CORO2B: variants seen among roughly 807,000 people sequenced by gnomAD.
The protein encoded by CORO2B is coronin-2B.
A neutral mutation model predicts 58.8 loss-of-function variants in CORO2B; 26 were observed. That is an observed-to-expected ratio of 0.44 (90% CI 0.32 to 0.61). The LOEUF (loss-of-function observed/expected upper bound fraction) is 0.61, where lower values mean the gene tolerates loss of function less well. Among genes scored for constraint, CORO2B ranks in the 20% least tolerant of loss-of-function variants. The pLI, the probability that CORO2B is intolerant of heterozygous loss-of-function variation, is 0.04. For missense variants in CORO2B, 460 were observed against 645.1 expected (o/e 0.71, Z 3.11); for synonymous variants, 242 against 253.8 (o/e 0.95, Z 0.44).
At chr15:68,709,971 G>A (rs1270636466) in intron 3 of CORO2B, among the ~76,000 whole-genome samples, 1 of 152,192 alleles carries the variant, frequency 6.6e-6, no homozygotes, top group African/African-American at 2.4e-5. Flanking sequence ...CAGGGCTGAT[G>A]TAAATAATTA....
In CORO2B at chr15:68,695,696, G is replaced by A. The variant is rs144549452; in HGVS notation, c.333+440G>A. Among the ~76,000 whole-genome samples the A allele has an allele frequency of 9.9e-5, 15 of 152,224 alleles. No individual in the cohort carries two copies. In the East Asian group the frequency reaches 2.3e-3, roughly 24 times the overall value. Reference sequence around the variant, plus strand: ...CCATCTGGTTTGTCCTCTCTGAGTCGTGGTTTCTAGGAAAGGAGACTTAGC... The same window carrying A: ...CCATCTGGTTTGTCCTCTCTGAGTCATGGTTTCTAGGAAAGGAGACTTAGC... On this transcript the variant is annotated intron_variant, in intron 3 of 11. Transcript: ENST00000261861.
chr15:68,544,921 C>T, the CORO2B span, among the ~76,000 whole-genome samples: 9 of 152,246 alleles, frequency 5.9e-5, no homozygotes, highest in African/African-American at 2.2e-4. Context: ...GGACTACAGG[C>T]GCCCACCATC....
intron 2 of CORO2B, among the ~76,000 whole-genome samples, chr15:68,672,159 G>GGTTGTGTGTGTGT (rs1555415404): frequency 1.4e-5 from 2 of 146,288 alleles, no homozygotes; most frequent in East Asian, 2.0e-4. Context: ...GTAATCGGGA[G>GGTTGTGTGTGTGT]GTGTGTGTGT....
the CORO2B span, among the ~76,000 whole-genome samples, chr15:68,549,226 C>T: frequency 1.1e-4 from 16 of 152,320 alleles, no homozygotes; most frequent in East Asian, 9.6e-4. Flanking sequence ...TCTGTTTTAA[C>T]GGCCATTTAC....
chr15:68,612,068 G>A (rs749790226), intron 1 of CORO2B, among the ~76,000 whole-genome samples: 2 of 152,178 alleles, frequency 1.3e-5, no homozygotes, highest in Non-Finnish European at 2.9e-5. Context: ...ACTGCACCCG[G>A]CCTCAACTTT....
At chr15:68,670,077 A>G (rs975266286) in intron 2 of CORO2B, among the ~76,000 whole-genome samples, 28 of 124,384 alleles carry the variant, frequency 2.3e-4, no homozygotes, top group African/African-American at 1.1e-3. Flanking sequence ...AAGGGGGGGA[A>G]AAATAAAGAA....
At chr15:68,677,361 C>T (rs775368340) in intron 2 of CORO2B, among the ~76,000 whole-genome samples, 1 of 152,224 alleles carries the variant, frequency 6.6e-6, no homozygotes, top group Non-Finnish European at 1.5e-5. Flanking sequence ...ACAGATGATA[C>T]AGATGAGGCC....
At chr15:68,599,555 G>A (rs1899923030) in intron 1 of CORO2B, among the ~76,000 whole-genome samples, 1 of 152,128 alleles carries the variant, frequency 6.6e-6, no homozygotes, top group Non-Finnish European at 1.5e-5. Flanking sequence ...TCCCCACAAG[G>A]GCCTGAGACG....
intron 3 of CORO2B, among the ~76,000 whole-genome samples, chr15:68,706,717 CT>C (rs1351018890): frequency 2.0e-5 from 3 of 149,794 alleles, no homozygotes; most frequent in Non-Finnish European, 3.0e-5. Context: ...ATTTTTTTTT[CT>C]TTTTTTTTAG....
the CORO2B span, among the ~76,000 whole-genome samples, chr15:68,571,999 G>A: frequency 7.5e-3 from 1,138 of 152,338 alleles, 13 homozygotes; most frequent in African/African-American, 0.025. Context: ...CCTGAGGGGG[G>A]CAGACACAGA....
chr15:68,650,265 A>G (rs980857243), intron 2 of CORO2B, among the ~76,000 whole-genome samples: 3 of 150,314 alleles, frequency 2.0e-5, no homozygotes, highest in Admixed American at 1.3e-4. Flanking sequence ...CTACTCAGGA[A>G]GCTGAGGCAG....
chr15:68,722,736 A>T (rs933193859), intron 11 of CORO2B, among the ~76,000 whole-genome samples: 4 of 152,246 alleles, frequency 2.6e-5, no homozygotes, highest in Admixed American at 6.5e-5. Context: ...GTTAACAAAA[A>T]ATATTTTTTT....
Position 68,725,827 on chromosome 15 carries a change from T to C in CORO2B, c.1312-16T>C. The C allele has an allele frequency of 6.2e-7, 1 of 1,613,176 alleles. No homozygotes were observed. The highest frequency in any genetic ancestry group is 8.5e-7 in the Non-Finnish European group (1 of 1,179,976). On this transcript the variant is annotated splice_polypyrimidine_tract_variant and intron_variant, in intron 11 of 11. Coordinates refer to ENST00000261861, the MANE Select transcript of CORO2B (RefSeq NM_006091.5). ...CTCCTGGGCCCTCCTTGGCCCCCTC[T>C]CTTCCTCCACCCCAGCTCCTTCGAA...
At chr15:68,573,919 A>G in the CORO2B span, among the ~76,000 whole-genome samples, 58 of 152,278 alleles carry the variant, frequency 3.8e-4, no homozygotes, top group African/African-American at 1.4e-3. Flanking sequence ...GGCTTTCTGG[A>G]GGAGGCGATA....
Position 68,726,250 on chromosome 15 carries a change from T to C in CORO2B, c.*276T>C, listed in dbSNP as rs1011039538. 73 of 400,444 alleles carry C rather than the reference T, an allele frequency of 1.8e-4. No homozygotes were observed. Among genetic ancestry groups the C allele is most frequent in the Middle Eastern group, 1.4e-3 (2 of 1,448 alleles). 24.8% of individuals were successfully genotyped at this position (400,444 alleles called of 1,614,324 possible). On this transcript the variant is annotated 3_prime_UTR_variant, in exon 12 of 12. Coordinates refer to ENST00000261861, the MANE Select transcript of CORO2B (RefSeq NM_006091.5). ...CCTCAGCTGGGTGAAGACTACAGAC[T>C]CCCTGGGGTTGGCAGGGGCTCCATC...
intron 1 of CORO2B, among the ~76,000 whole-genome samples, chr15:68,643,986 G>T (rs933156568): frequency 6.6e-6 from 1 of 152,038 alleles, no homozygotes; most frequent in East Asian, 1.9e-4. Flanking sequence ...CCAGTGAGCC[G>T]AGATCGCACC....
intron 2 of CORO2B, among the ~76,000 whole-genome samples, chr15:68,654,006 G>A (rs1381128724): frequency 6.6e-6 from 1 of 152,162 alleles, no homozygotes; most frequent in African/African-American, 2.4e-5. Flanking sequence ...TCCGCTTGGT[G>A]CAATTTGCAT....
chr15:68,580,218 G>A (rs531995955), intron 1 of CORO2B, among the ~76,000 whole-genome samples: 6 of 152,362 alleles, frequency 3.9e-5, no homozygotes, highest in South Asian at 4.1e-4. Context: ...ACACTCTTCA[G>A]AGAGATCTGT....
At chr15:68,590,857 A>C (rs748968986) in intron 1 of CORO2B, among the ~76,000 whole-genome samples, 7 of 152,082 alleles carry the variant, frequency 4.6e-5, no homozygotes, top group Non-Finnish European at 8.8e-5. Flanking sequence ...AGAGGAGAGG[A>C]CAGCCAAGCT....
Sources: gnomAD v4.1 joint callset for allele counts (sites outside exome capture counted in the v4.1 genomes callset) on GRCh38, gnomAD v4.1.1 for gene constraint, MANE v1.5 for transcripts, NCBI Gene and HGNC (gene_info 2026-07-23, HGNC 2026-07-21) for gene names.